Variants in ARHGAP28 observed in about 807,000 individuals in gnomAD.
ARHGAP28 encodes the protein rho GTPase-activating protein 28.
In ARHGAP28, 56 loss-of-function variants were observed where a neutral mutation model predicts 90.7. That is an observed-to-expected ratio of 0.62 (90% CI 0.50 to 0.77). ARHGAP28 has a LOEUF of 0.77. Among genes scored for constraint, ARHGAP28 ranks in the 30% least tolerant of loss-of-function variants. The pLI is 0.00. For missense variants in ARHGAP28, 869 were observed against 900.9 expected (o/e 0.96, Z 0.45); for synonymous variants, 308 against 323.3 (o/e 0.95, Z 0.51).
In ARHGAP28 at chr18:6,896,577, A is replaced by C. The variant is rs749578890; in HGVS notation, c.1981A>C (p.Asn661His). 4 of 1,614,068 alleles carry C rather than the reference A, an allele frequency of 2.5e-6. No homozygotes were observed. The East Asian group carries it at 8.9e-5, about 36-fold the overall frequency. ...GGTGTCCATGGCCATTCAACTCAAC[A>C]ATCAAACCAAAGCCAAAGACATATT... The part of the protein sequence containing the change: ...SKVSMAIQLN[N>H]QTKAKDILAK... Residue 661 changes from asparagine (N) to histidine (H), a missense_variant, in exon 16 of 18, where the codon AAT becomes CAT. Coordinates refer to ENST00000383472, the MANE Select transcript of ARHGAP28 (RefSeq NM_001366230.1).
In ARHGAP28 at chr18:6,735,330, C is replaced by T. The variant is rs2055916036; in HGVS notation, c.122+5387C>T. Among the ~76,000 whole-genome samples, 3 of 152,214 alleles carry T rather than the reference C, an allele frequency of 2.0e-5. No homozygotes were observed. The South Asian group carries it at 6.2e-4, about 32-fold the overall frequency. On this transcript the variant is annotated intron_variant, in intron 1 of 17. Transcript: ENST00000383472. The stretch of plus-strand genomic sequence containing the variant: ...ACAATACTGTAAACTAAACTACGAC[C>T]TATGTTTTGATTTCACCAGTTTTCC...
At chr18:6,739,793 T>C (rs1457692575) in intron 1 of ARHGAP28, among the ~76,000 whole-genome samples, 1 of 152,036 alleles carries the variant, frequency 6.6e-6, no homozygotes, top group Non-Finnish European at 1.5e-5. Context: ...TAAAATATAT[T>C]TCTATAGTTA....
intron 16 of ARHGAP28, among the ~76,000 whole-genome samples, chr18:6,908,731 C>T (rs960208855): frequency 2.6e-5 from 4 of 152,318 alleles, no homozygotes; most frequent in Admixed American, 1.3e-4. Flanking sequence ...TGGAGCACTG[C>T]GGCTGCCCAT....
At chr18:6,882,442 A>C (rs909312541) in intron 11 of ARHGAP28, 143 bp downstream of exon 11, 3 of 728,402 alleles carry the variant, frequency 4.1e-6, no homozygotes, top group Admixed American at 6.8e-5. Context: ...GTTTGATGGC[A>C]AACAGTCACC....
At chr18:6,850,987 T>C in intron 3 of ARHGAP28, 47 bp from the exon 4 acceptor site, 1 of 1,603,792 alleles carries the variant, frequency 6.2e-7, no homozygotes, top group Non-Finnish European at 8.5e-7. Flanking sequence ...GCAGTCATAT[T>C]TGGAAAGATA....
At chr18:6,857,103 T>C (rs965414083) in intron 4 of ARHGAP28, among the ~76,000 whole-genome samples, 2 of 152,268 alleles carry the variant, frequency 1.3e-5, no homozygotes, top group Admixed American at 6.5e-5. Context: ...TCATTTCCCT[T>C]AGGTAAAGAT....
intron 1 of ARHGAP28, among the ~76,000 whole-genome samples, chr18:6,753,559 T>C (rs2056086533): frequency 6.6e-6 from 1 of 152,230 alleles, no homozygotes; most frequent in African/African-American, 2.4e-5. Context: ...AAGAACATAA[T>C]ATATATAACC....
At chr18:6,827,557 C>A (rs1600221388) in intron 2 of ARHGAP28, among the ~76,000 whole-genome samples, 1 of 143,472 alleles carries the variant, frequency 7.0e-6, no homozygotes, top group Non-Finnish European at 1.5e-5. Context: ...CCCCCCACCT[C>A]CCTCCCGGAC....
At chr18:6,893,890 A>G (rs374652406) in intron 14 of ARHGAP28, among the ~76,000 whole-genome samples, 170 of 119,838 alleles carry the variant, frequency 1.4e-3, no homozygotes, top group African/African-American at 5.2e-3. Context: ...TTTTTGAGAT[A>G]GAGTCTTGCT....
At chr18:6,827,321 A>T (rs8084368) in intron 2 of ARHGAP28, among the ~76,000 whole-genome samples, 3 of 139,790 alleles carry the variant, frequency 2.1e-5, no homozygotes, top group Non-Finnish European at 4.7e-5. Flanking sequence ...GGGGGGCTGA[A>T]CCCTCCACCT....
Position 6,747,523 on chromosome 18 carries a change from T to C in ARHGAP28, c.122+17580T>C, listed in dbSNP as rs866319165. On this transcript the variant is annotated intron_variant, in intron 1 of 17. Transcript: ENST00000383472. ...AGCAGTTAAAATAAGTTAATAAAAG[T>C]GCCTCACTTTGGGAGGGTGTCTTCA... is the stretch of plus-strand genomic sequence containing the variant. Among the ~76,000 whole-genome samples the C allele has an allele frequency of 4.1e-4, 63 of 152,166 alleles. 1 individual carries two copies. The highest frequency in any genetic ancestry group is 1.5e-3 in the African/African-American group (63 of 41,426).
In ARHGAP28 at chr18:6,870,231, AT is replaced by A. The variant is rs1435590662; in HGVS notation, c.812-357del. ...GCTTCTGCTTACCCGTAACAGTGAC[AT>A]TGGGTCTAGATGAGCTTAATTTTAA... On this transcript the variant is annotated intron_variant, in intron 6 of 17. Transcript: ENST00000383472. Among the ~76,000 whole-genome samples, 6 of 152,322 alleles carry A rather than the reference AT, an allele frequency of 3.9e-5. No individual in the cohort carries two copies. The South Asian group carries it at 1.2e-3, about 32-fold the overall frequency.
At chr18:6,815,883 A>G (rs1400397651) in intron 1 of ARHGAP28, among the ~76,000 whole-genome samples, 2 of 151,094 alleles carry the variant, frequency 1.3e-5, no homozygotes, top group African/African-American at 4.9e-5. Flanking sequence ...ATGCCTACCA[A>G]CTTAATTACT....
chr18:6,731,475 T>G (rs2143098145), intron 1 of ARHGAP28, among the ~76,000 whole-genome samples: 1 of 152,314 alleles, frequency 6.6e-6, no homozygotes, highest in Non-Finnish European at 1.5e-5. Flanking sequence ...AAGCAGAAGT[T>G]CTATTAACTC....
intron 1 of ARHGAP28, among the ~76,000 whole-genome samples, chr18:6,803,016 AT>A (rs966044419): frequency 5.8e-4 from 88 of 152,164 alleles, no homozygotes; most frequent in African/African-American, 2.1e-3. Context: ...CTAAATATAA[AT>A]TTTTTATGAT....
intron 5 of ARHGAP28, among the ~76,000 whole-genome samples, 185 bp from the exon 6 acceptor site, chr18:6,867,965 A>G (rs938167768): frequency 6.6e-6 from 1 of 152,230 alleles, no homozygotes; most frequent in Non-Finnish European, 1.5e-5. Context: ...AAACATGTGT[A>G]AGCTGCACAC....
chr18:6,867,919 C>A (rs555334218), intron 5 of ARHGAP28, among the ~76,000 whole-genome samples: 6 of 152,288 alleles, frequency 3.9e-5, no homozygotes, highest in African/African-American at 1.4e-4. Context: ...GCTAGGAAAG[C>A]ACAGTTATAT....
intron 1 of ARHGAP28, among the ~76,000 whole-genome samples, chr18:6,795,328 G>C (rs1020964667): frequency 6.6e-6 from 1 of 152,072 alleles, no homozygotes; most frequent in East Asian, 1.9e-4. Context: ...CTGTGTTGAT[G>C]GTGACGAGAT....
intron 17 of ARHGAP28, among the ~76,000 whole-genome samples, chr18:6,910,110 A>G (rs1295977737): frequency 6.6e-6 from 1 of 151,940 alleles, no homozygotes; most frequent in Admixed American, 6.6e-5. Flanking sequence ...CACCAGAATC[A>G]CCCTCTTGTC....
Sources: allele counts gnomAD v4.1 joint callset (sites outside exome capture counted in the v4.1 genomes callset), GRCh38; gene constraint gnomAD v4.1.1; transcripts MANE v1.5; gene names NCBI Gene and HGNC (gene_info 2026-07-23, HGNC 2026-07-21).